Variants in RUNX2 observed in about 807,000 individuals in gnomAD.
The protein encoded by RUNX2 is RUNX family transcription factor 2.
A neutral mutation model predicts 51.7 loss-of-function variants in RUNX2; 10 were observed. The observed-to-expected ratio is 0.19, with a 90% confidence interval of 0.12 to 0.33. The LOEUF (loss-of-function observed/expected upper bound fraction) is 0.33, where lower values mean the gene tolerates loss of function less well. RUNX2 is among the 10% of genes least tolerant of loss of function. The pLI, the probability that RUNX2 is intolerant of heterozygous loss-of-function variation, is 1.00. For missense variants in RUNX2, 562 were observed against 691.3 expected (o/e 0.81, Z 2.10); for synonymous variants, 276 against 273.6 (o/e 1.01, Z -0.09).
chr6:45,494,639 A>C (rs920512545), intron 6 of RUNX2, among the ~76,000 whole-genome samples: 2 of 152,144 alleles, frequency 1.3e-5, no homozygotes, highest in African/African-American at 2.4e-5. Context: ...AAATGTTCCC[A>C]TATTGTGAGT....
intron 5 of RUNX2, among the ~76,000 whole-genome samples, chr6:45,482,945 A>G (rs1800157310): frequency 6.6e-6 from 1 of 152,202 alleles, no homozygotes; most frequent in Admixed American, 6.5e-5. Context: ...AGTGATTATG[A>G]TTTTTTTCCT....
chr6:45,526,208 G>C (rs1801670765), intron 7 of RUNX2, among the ~76,000 whole-genome samples: 1 of 152,172 alleles, frequency 6.6e-6, no homozygotes. Flanking sequence ...GACCACAGCT[G>C]AACCTGTCTT....
chr6:45,455,142 C>T lies in RUNX2; in HGVS notation c.685+17091C>T, dbSNP rs141392777. On this transcript the variant is annotated intron_variant, in intron 5 of 8. Transcript: ENST00000647337. The stretch of plus-strand genomic sequence containing the variant: ...AAAAGAAAAGAAAACATAGTCTCAC[C>T]GTTCTCCTCCACATAAATGTGGCCA... Among the ~76,000 whole-genome samples the T allele has an allele frequency of 2.4e-4, 37 of 152,180 alleles. 1 individual carries two copies. Among genetic ancestry groups the T allele is most frequent in the African/African-American group, 8.7e-4 (36 of 41,532 alleles).
At chr6:45,452,103 C>T (rs146220152) in intron 5 of RUNX2, among the ~76,000 whole-genome samples, 2 of 152,142 alleles carry the variant, frequency 1.3e-5, no homozygotes, top group African/African-American at 4.8e-5. Context: ...TAGAAAAACC[C>T]ACGTTCATTT....
chr6:45,517,192 T>G (rs530600950), intron 7 of RUNX2, among the ~76,000 whole-genome samples: 1 of 152,326 alleles, frequency 6.6e-6, no homozygotes, highest in African/African-American at 2.4e-5. Context: ...ATAGATTTTT[T>G]TTTTTAAGAG....
At chr6:45,363,476 T>G (rs1476639949) in intron 2 of RUNX2, among the ~76,000 whole-genome samples, 3 of 152,258 alleles carry the variant, frequency 2.0e-5, no homozygotes, top group South Asian at 4.1e-4. Context: ...ATATATAGGT[T>G]TCATTACACT....
At chr6:45,424,480 G>A (rs1287116814) in intron 3 of RUNX2, among the ~76,000 whole-genome samples, 2 of 152,166 alleles carry the variant, frequency 1.3e-5, no homozygotes, top group African/African-American at 4.8e-5. Flanking sequence ...GAGTAGGTGG[G>A]CCTGGGTCCC....
chr6:45,545,720 G>C (rs1802379789), intron 8 of RUNX2, among the ~76,000 whole-genome samples: 1 of 152,186 alleles, frequency 6.6e-6, no homozygotes, highest in South Asian at 2.1e-4. Context: ...ACTGGTATTA[G>C]AAAAGGGCTT....
At chr6:45,498,180 T>C (rs1273201558) in intron 6 of RUNX2, among the ~76,000 whole-genome samples, 1 of 152,222 alleles carries the variant, frequency 6.6e-6, no homozygotes. Flanking sequence ...GGTACTTTTA[T>C]CATGGCTCAG....
intron 2 of RUNX2, among the ~76,000 whole-genome samples, chr6:45,416,645 G>A (rs896742339): frequency 3.3e-5 from 5 of 152,192 alleles, no homozygotes; most frequent in Non-Finnish European, 5.9e-5. Context: ...AGGCTGATTT[G>A]AGAAAATTAG....
intron 5 of RUNX2, among the ~76,000 whole-genome samples, chr6:45,456,875 G>C (rs1421081196): frequency 6.6e-6 from 1 of 152,220 alleles, no homozygotes; most frequent in Admixed American, 6.5e-5. Context: ...AGAAATTAGA[G>C]AACTTGCCCA....
In RUNX2 at chr6:45,377,053, ACT is replaced by A. The variant is rs372403576; in HGVS notation, c.59-45536_59-45535del. On this transcript the variant is annotated intron_variant, in intron 2 of 8. Coordinates refer to ENST00000647337, the MANE Select transcript of RUNX2 (RefSeq NM_001024630.4). ...TACATATCACTGTCTTCATAACTTC[ACT>A]CTCACGTGTGAGACCAAGTGTCCTG... Among the ~76,000 whole-genome samples, 104 of 152,020 alleles carry A rather than the reference ACT, an allele frequency of 6.8e-4. 1 individual carries two copies. The highest frequency in any genetic ancestry group is 3.4e-3 in the Middle Eastern group (1 of 294).
chr6:45,423,185 C>T (rs1445582641), intron 3 of RUNX2, among the ~76,000 whole-genome samples: 1 of 152,146 alleles, frequency 6.6e-6, no homozygotes, highest in African/African-American at 2.4e-5. Context: ...GCTGCCACCC[C>T]GACTTCAGCC....
At chr6:45,369,443 A>G (rs1352908597) in intron 2 of RUNX2, among the ~76,000 whole-genome samples, 1 of 152,156 alleles carries the variant, frequency 6.6e-6, no homozygotes, top group Non-Finnish European at 1.5e-5. Flanking sequence ...AGTGCATACT[A>G]ATTATTTTTG....
At chr6:45,356,408 C>CTTTTTTTT (rs1468113291) in intron 2 of RUNX2, among the ~76,000 whole-genome samples, 2 of 148,878 alleles carry the variant, frequency 1.3e-5, no homozygotes, top group African/African-American at 4.9e-5. Context: ...CTTTTTTTTT[C>CTTTTTTTT]TTTTTTTGAG....
At chr6:45,513,827 C>T (rs938182372) in intron 7 of RUNX2, among the ~76,000 whole-genome samples, 1 of 152,158 alleles carries the variant, frequency 6.6e-6, no homozygotes, top group African/African-American at 2.4e-5. Context: ...GGATCACCGT[C>T]GCCTTCAGGC....
intron 5 of RUNX2, among the ~76,000 whole-genome samples, chr6:45,482,279 T>C (rs1800140528): frequency 1.3e-5 from 2 of 152,342 alleles, no homozygotes; most frequent in African/African-American, 4.8e-5. Flanking sequence ...TTTTAGTCCA[T>C]TATCTGAAGA....
chr6:45,343,861 T>C (rs1335571965), intron 2 of RUNX2, among the ~76,000 whole-genome samples: 3 of 152,178 alleles, frequency 2.0e-5, no homozygotes, highest in Non-Finnish European at 4.4e-5. Flanking sequence ...AAAATCATGC[T>C]TTTAATAACC....
intron 5 of RUNX2, among the ~76,000 whole-genome samples, chr6:45,490,426 C>T (rs556220946): frequency 7.2e-5 from 11 of 152,168 alleles, no homozygotes; most frequent in South Asian, 2.1e-4. Flanking sequence ...CACGTTTGGC[C>T]GTGGAGACAG....
Sources: allele counts gnomAD v4.1 joint callset (sites outside exome capture counted in the v4.1 genomes callset), GRCh38; gene constraint gnomAD v4.1.1; transcripts MANE v1.5; gene names NCBI Gene and HGNC (gene_info 2026-07-23, HGNC 2026-07-21).